Variants in TXNDC16 observed in about 807,000 individuals in gnomAD.
TXNDC16 encodes thioredoxin domain containing 16, also known as thioredoxin domain-containing protein 16.
In TXNDC16, 74 loss-of-function variants were observed where a neutral mutation model predicts 85.6. The ratio of observed to expected loss-of-function variants is 0.86; its 90% CI spans 0.72 to 1.05. The LOEUF is 1.05. Among genes scored for constraint, TXNDC16 ranks in the 50% least tolerant of loss-of-function variants. The pLI, the probability that TXNDC16 is intolerant of heterozygous loss-of-function variation, is 0.00. For missense variants in TXNDC16, 959 were observed against 947.0 expected (o/e 1.01, Z -0.17); for synonymous variants, 335 against 326.5 (o/e 1.03, Z -0.28).
intron 14 of TXNDC16, among the ~76,000 whole-genome samples, chr14:52,470,941 C>T (rs781359943): frequency 1.3e-4 from 20 of 152,106 alleles, no homozygotes; most frequent in Non-Finnish European, 2.8e-4. Context: ...GCTTAAGCTG[C>T]CTTCTCTTGT....
At chr14:52,505,977 AATAG>A (rs1295502374) in intron 9 of TXNDC16, among the ~76,000 whole-genome samples, 1 of 152,246 alleles carries the variant, frequency 6.6e-6, no homozygotes, top group African/African-American at 2.4e-5. Context: ...ATCTAGAAGA[AATAG>A]ATAAATTCCT....
At chr14:52,498,522 T>C (rs2036585144) in intron 9 of TXNDC16, among the ~76,000 whole-genome samples, 1 of 151,832 alleles carries the variant, frequency 6.6e-6, no homozygotes, top group Non-Finnish European at 1.5e-5. Flanking sequence ...TATACACTAA[T>C]AATGAGCAAT....
At chr14:52,478,366 C>A (rs539158850) in intron 14 of TXNDC16, among the ~76,000 whole-genome samples, 1 of 151,930 alleles carries the variant, frequency 6.6e-6, no homozygotes, top group East Asian at 1.9e-4. Context: ...ACAAAAAATA[C>A]AAAAGATAAA....
chr14:52,492,440 C>T (rs1291674867), intron 9 of TXNDC16, among the ~76,000 whole-genome samples: 2 of 152,192 alleles, frequency 1.3e-5, no homozygotes, highest in East Asian at 1.9e-4. Context: ...TAGACTTCTG[C>T]CACTGCTACC....
chr14:52,484,816 G>A (rs1198740080), intron 12 of TXNDC16, among the ~76,000 whole-genome samples: 3 of 152,164 alleles, frequency 2.0e-5, no homozygotes. Flanking sequence ...AGGAGGTGGA[G>A]GTTGCAGTGA....
Position 52,432,296 on chromosome 14 carries a change from C to T in TXNDC16, c.*8G>A. On this transcript the variant is annotated 3_prime_UTR_variant, in exon 21 of 21. Transcript: ENST00000281741. ...CAAAAAAATTTTGGAAACCACAGCC[C>T]TATAAAATTAGTTCACTTTTGAGCA... The T allele has an allele frequency of 6.3e-7, 1 of 1,592,764 alleles. No homozygotes were observed. Among genetic ancestry groups the T allele is most frequent in the Non-Finnish European group, 8.5e-7 (1 of 1,170,012 alleles).
At chr14:52,474,715 AG>A (rs1429880578) in intron 14 of TXNDC16, among the ~76,000 whole-genome samples, 1 of 151,654 alleles carries the variant, frequency 6.6e-6, no homozygotes, top group African/African-American at 2.4e-5. Flanking sequence ...GGGCGACAAG[AG>A]TGAAACTCCA....
chr14:52,438,520 C>T (rs554330638), intron 20 of TXNDC16, among the ~76,000 whole-genome samples: 20 of 152,210 alleles, frequency 1.3e-4, no homozygotes, highest in Admixed American at 3.3e-4. Context: ...TTTAAAACTA[C>T]GGTAAAAACA....
chr14:52,504,571 CAA>C (rs2036745320), intron 9 of TXNDC16, among the ~76,000 whole-genome samples: 1 of 152,102 alleles, frequency 6.6e-6, no homozygotes, highest in Non-Finnish European at 1.5e-5. Context: ...CTGAAGGAAG[CAA>C]TAAACATGGA....
At chr14:52,500,388 T>C (rs554981998) in intron 9 of TXNDC16, among the ~76,000 whole-genome samples, 1 of 152,310 alleles carries the variant, frequency 6.6e-6, no homozygotes, top group South Asian at 2.1e-4. Flanking sequence ...AGTGTATATG[T>C]GGTATCTACA....
chr14:52,468,374 G>GT (rs1463493029), intron 16 of TXNDC16, among the ~76,000 whole-genome samples: 4 of 151,932 alleles, frequency 2.6e-5, no homozygotes, highest in East Asian at 1.9e-4. Context: ...AAATGATAGG[G>GT]TTTTTTATAG....
intron 9 of TXNDC16, among the ~76,000 whole-genome samples, chr14:52,510,082 G>C (rs1419466733): frequency 6.6e-6 from 1 of 151,426 alleles, no homozygotes; most frequent in Non-Finnish European, 1.5e-5. Flanking sequence ...TTTTTAAGAA[G>C]AGGGAATTAT....
At chr14:52,457,292 A>C (rs1321831315) in intron 16 of TXNDC16, 118 bp from the exon 17 acceptor site, 6 of 542,232 alleles carry the variant, frequency 1.1e-5, no homozygotes. Context: ...AAAAATATTT[A>C]AGTGCAGATG....
Position 52,457,179 on chromosome 14 carries a change from A to C in TXNDC16, c.1619-5T>G. Reference sequence around the variant, plus strand: ...CTTCACTAAAATCTTCTTTTGCTATAAATACATAGAGAAGACAAAAATCTG... The same window carrying C: ...CTTCACTAAAATCTTCTTTTGCTATCAATACATAGAGAAGACAAAAATCTG... On this transcript the variant is annotated splice_region_variant and splice_polypyrimidine_tract_variant and intron_variant, in intron 16 of 20. Transcript: ENST00000281741. The C allele has an allele frequency of 6.5e-7, 1 of 1,549,148 alleles. No homozygotes were observed. Among genetic ancestry groups the C allele is most frequent in the Non-Finnish European group, 8.8e-7 (1 of 1,141,668 alleles).
chr14:52,470,499 G>A lies in TXNDC16; in HGVS notation c.1481+13C>T. The A allele has an allele frequency of 1.2e-6, 2 of 1,606,672 alleles. No homozygotes were observed. Among genetic ancestry groups the A allele is most frequent in the Non-Finnish European group, 1.7e-6 (2 of 1,177,296 alleles). ...AAACATTCAGAGATCTTATAATGAAGCTGAATACTTACAGCTGGATAAATT... is the reference window on the plus strand; with the variant it reads ...AAACATTCAGAGATCTTATAATGAAACTGAATACTTACAGCTGGATAAATT... On this transcript the variant is annotated intron_variant, in intron 15 of 20. Coordinates refer to ENST00000281741, the MANE Select transcript of TXNDC16 (RefSeq NM_020784.3).
intron 9 of TXNDC16, among the ~76,000 whole-genome samples, chr14:52,508,006 C>T (rs2036855068): frequency 6.6e-6 from 1 of 152,144 alleles, no homozygotes; most frequent in African/African-American, 2.4e-5. Context: ...TGGGCATGGG[C>T]AAGGACTTCA....
chr14:52,472,258 C>T (rs757870991), intron 14 of TXNDC16, among the ~76,000 whole-genome samples: 1 of 151,466 alleles, frequency 6.6e-6, no homozygotes, highest in Admixed American at 6.6e-5. Context: ...AGTGCAGTGG[C>T]GTGATCTCGG....
chr14:52,465,531 G>T (rs1299448522), intron 16 of TXNDC16, among the ~76,000 whole-genome samples: 1 of 150,220 alleles, frequency 6.7e-6, no homozygotes, highest in East Asian at 2.0e-4. Flanking sequence ...GGCCGAGCTT[G>T]CAGTGAGCCG....
intron 11 of TXNDC16, 39 bp from the exon 12 acceptor site, chr14:52,488,525 A>C (rs2036323189): frequency 6.6e-7 from 1 of 1,516,550 alleles, no homozygotes; most frequent in African/African-American, 1.4e-5. Context: ...AATATAGCAA[A>C]GTATTTTGAC....
Sources: allele counts gnomAD v4.1 joint callset (sites outside exome capture counted in the v4.1 genomes callset), GRCh38; gene constraint gnomAD v4.1.1; transcripts MANE v1.5; gene names NCBI Gene and HGNC (gene_info 2026-07-23, HGNC 2026-07-21).